CSNK1D: variants seen among roughly 807,000 people sequenced by gnomAD.
The protein encoded by CSNK1D is casein kinase I isoform delta.
A neutral mutation model predicts 46.6 loss-of-function variants in CSNK1D; 16 were observed. The ratio of observed to expected loss-of-function variants is 0.34; its 90% CI spans 0.23 to 0.52. The LOEUF is 0.52. CSNK1D is among the 20% of genes least tolerant of loss of function. CSNK1D has a pLI of 0.95. For synonymous variants in CSNK1D, 276 were observed against 228.2 expected (o/e 1.21, Z -1.89); for missense variants, 398 against 578.4 (o/e 0.69, Z 3.20).
intron 2 of CSNK1D, among the ~76,000 whole-genome samples, chr17:82,264,764 C>A (rs1401812631): frequency 6.6e-6 from 1 of 151,986 alleles, no homozygotes; most frequent in East Asian, 1.9e-4. Flanking sequence ...CACACGACAC[C>A]ACGGGGAGCA....
chr17:82,254,369 G>T (rs529505073), intron 3 of CSNK1D: 1 of 264,918 alleles, frequency 3.8e-6, no homozygotes, highest in African/African-American at 2.8e-5. Flanking sequence ...CCGGGGCCTC[G>T]AGAAGCCAGT....
chr17:82,262,381 G>A (rs1310594485), intron 2 of CSNK1D, among the ~76,000 whole-genome samples: 2 of 152,178 alleles, frequency 1.3e-5, no homozygotes, highest in African/African-American at 4.8e-5. Flanking sequence ...GAAGAGCTCA[G>A]TACCCACTGC....
In CSNK1D at chr17:82,251,571, C is replaced by T. The variant is rs371659643; in HGVS notation, c.737-44G>A. 1.7e-5 allele frequency: 28 copies of T among 1,609,212 alleles called. No individual in the cohort carries two copies. Among genetic ancestry groups the T allele is most frequent in the Middle Eastern group, 1.6e-4 (1 of 6,076 alleles). Reference sequence around the variant, plus strand: ...AAAGCTAACTCATGAAACCCAACTGCGACTCAAGGTGTCTCTGCCAACGTC... The same window carrying T: ...AAAGCTAACTCATGAAACCCAACTGTGACTCAAGGTGTCTCTGCCAACGTC... On this transcript the variant is annotated intron_variant, in intron 5 of 8. Transcript: ENST00000314028. The surrounding 1 kb of genome is among the most constrained non-coding windows in gnomAD (Gnocchi z 4.5).
intron 8 of CSNK1D, chr17:82,246,048 G>A: frequency 6.2e-7 from 1 of 1,607,568 alleles, no homozygotes; most frequent in Non-Finnish European, 8.5e-7. Context: ...TTCTGAGGTG[G>A]GGAAAAGACA....
Position 82,248,493 on chromosome 17 carries a change from G to T in CSNK1D, c.1197+382C>A. The T allele has an allele frequency of 9.1e-7, 1 of 1,097,660 alleles. No individual in the cohort carries two copies. The highest frequency in any genetic ancestry group is 1.1e-6 in the Non-Finnish European group (1 of 895,376). The allele number at this position is 1,097,660 out of a possible 1,614,324, so 68.0% of individuals were successfully genotyped here. On this transcript the variant is annotated intron_variant, in intron 8 of 8. Coordinates refer to ENST00000314028, the MANE Select transcript of CSNK1D (RefSeq NM_001893.6). The surrounding 1 kb of genome is among the most constrained non-coding windows in gnomAD (Gnocchi z 4.1). ...CCTGGCCAGTGGCAAGAATGAGGAA[G>T]AATGAGGAAGGCTCCCTCGGGCTGG...
intron 2 of CSNK1D, among the ~76,000 whole-genome samples, chr17:82,264,076 TGTA>T (rs758574137): frequency 2.0e-5 from 3 of 152,228 alleles, no homozygotes; most frequent in African/African-American, 4.8e-5. Context: ...GTCGGTTTCT[TGTA>T]GTAGCACAGA....
rs555483738 is a variant in CSNK1D at position 82,255,256 on chromosome 17, C to T, written c.336+173G>A. 2.5e-6 allele frequency: 2 copies of T among 790,974 alleles called. No homozygotes were observed. The highest frequency in any genetic ancestry group is 4.2e-6 in the Non-Finnish European group (2 of 471,286). The allele number at this position is 790,974 out of a possible 1,614,324, so 49.0% of individuals were successfully genotyped here. A position where few individuals can be genotyped will look rare whatever the true frequency, so the allele number is the denominator to read the frequency against. ...CTCGAGAAGCCAGTGAGCGGAGCCA[C>T]CGGAGCCTCGAGAAGCCAGTGAGCT... On this transcript the variant is annotated intron_variant, in intron 3 of 8. Transcript: ENST00000314028. The surrounding 1 kb of genome is among the most constrained non-coding windows in gnomAD (Gnocchi z 5.9).
Position 82,250,920 on chromosome 17 carries a change from C to A in CSNK1D, c.885+459G>T. On this transcript the variant is annotated intron_variant, in intron 6 of 8. Transcript: ENST00000314028. This position sits in a 1 kb window ranked among gnomAD's most constrained non-coding sequence, Gnocchi z 4.6. Reference sequence around the variant, plus strand: ...TAGAGGCTCCACTGCATACTCACACCGCATCAAGAAAGCCACAGGGAAAAT... The same window carrying A: ...TAGAGGCTCCACTGCATACTCACACAGCATCAAGAAAGCCACAGGGAAAAT... 7.9e-6 allele frequency: 2 copies of A among 253,832 alleles called. No homozygotes were observed. Among genetic ancestry groups the A allele is most frequent in the South Asian group, 8.6e-5 (2 of 23,176 alleles). The allele number at this position is 253,832 out of a possible 1,614,324, so 15.7% of individuals were successfully genotyped here. A position where few individuals can be genotyped will look rare whatever the true frequency, so the allele number is the denominator to read the frequency against.
At chr17:82,240,875 G>C (rs1373940245), downstream of CSNK1D, among the ~76,000 whole-genome samples, 2 of 152,150 alleles carry the variant, frequency 1.3e-5, no homozygotes, top group East Asian at 3.9e-4. Context: ...CTCAGCTGGT[G>C]CCTTTAAAGG....
chr17:82,254,224 G>A (rs1390598816), intron 3 of CSNK1D: 4 of 277,472 alleles, frequency 1.4e-5, no homozygotes, highest in East Asian at 3.6e-4. Context: ...TGAGCCGCCG[G>A]AGCCTCGAGA....
intron 3 of CSNK1D, 53 bp from the exon 4 acceptor site, chr17:82,253,297 G>C (rs1320757029): frequency 5.0e-6 from 7 of 1,390,668 alleles, no homozygotes; most frequent in African/African-American, 2.8e-5. Flanking sequence ...CTCAGGGAGG[G>C]ACCGCTCAAC....
chr17:82,263,926 T>C (rs2051402814), intron 2 of CSNK1D, among the ~76,000 whole-genome samples: 1 of 152,080 alleles, frequency 6.6e-6, no homozygotes, highest in Non-Finnish European at 1.5e-5. Context: ...CCTGGGTTGG[T>C]GATGGGATTT....
In CSNK1D at chr17:82,273,199, G is replaced by A; in HGVS notation, c.76+107C>T. ...CCACGATCCGGCGGTGCCGGGACTT[G>A]CGCGGAGACCCCGCGGGGGCCACCA... On this transcript the variant is annotated intron_variant, in intron 1 of 8. Transcript: ENST00000314028. The surrounding 1 kb of genome is among the most constrained non-coding windows in gnomAD (Gnocchi z 5.1). The A allele has an allele frequency of 8.5e-7, 1 of 1,171,280 alleles. No individual in the cohort carries two copies. The highest frequency in any genetic ancestry group is 1.2e-6 in the Non-Finnish European group (1 of 827,872). 72.6% of individuals were successfully genotyped at this position (1,171,280 alleles called of 1,614,324 possible).
At chr17:82,265,925 G>C (rs1364026946) in intron 1 of CSNK1D, 129 bp from the exon 2 acceptor site, 1 of 799,384 alleles carries the variant, frequency 1.3e-6, no homozygotes, top group Non-Finnish European at 2.2e-6. Context: ...CTCCTTCCTA[G>C]CATAGTAAGG....
rs369563163 is a variant in CSNK1D at position 82,249,017 on chromosome 17, G to A, written c.1058-3C>T. On this transcript the variant is annotated splice_polypyrimidine_tract_variant and splice_region_variant and intron_variant, in intron 7 of 8. Coordinates refer to ENST00000314028, the MANE Select transcript of CSNK1D (RefSeq NM_001893.6). The surrounding 1 kb of genome is among the most constrained non-coding windows in gnomAD (Gnocchi z 6.7). ...GACGGGCCGGGGGGAGGTGTTAGCTGAGGACAGGGAGAGAAACGGAGTGGG... is the reference window on the plus strand; with the variant it reads ...GACGGGCCGGGGGGAGGTGTTAGCTAAGGACAGGGAGAGAAACGGAGTGGG... 7.1e-6 allele frequency: 11 copies of A among 1,555,556 alleles called. No homozygotes were observed. In the Admixed American group the frequency reaches 7.8e-5, roughly 11 times the overall value.
chr17:82,245,954 C>T (rs928201340), intron 8 of CSNK1D: 11 of 1,587,138 alleles, frequency 6.9e-6, no homozygotes, highest in East Asian at 4.7e-5. Context: ...TGCTGCCTGG[C>T]GCCCGCCACG....
intron 1 of CSNK1D, among the ~76,000 whole-genome samples, chr17:82,269,414 T>G (rs1330780161): frequency 6.6e-6 from 1 of 152,070 alleles, no homozygotes; most frequent in Non-Finnish European, 1.5e-5. Context: ...GAACAGGTGG[T>G]CGCTCTCCTC....
intron 8 of CSNK1D, chr17:82,247,079 C>T: frequency 1.0e-6 from 1 of 985,480 alleles, no homozygotes; most frequent in Non-Finnish European, 1.2e-6. Flanking sequence ...CTCAACATGC[C>T]TCTCAGGAAG....
chr17:82,257,632 G>A (rs886480601), intron 2 of CSNK1D, among the ~76,000 whole-genome samples: 4 of 152,226 alleles, frequency 2.6e-5, no homozygotes, highest in Non-Finnish European at 4.4e-5. Flanking sequence ...GCCTGAGGGC[G>A]GGAAGGAGCC....
Sources: allele counts gnomAD v4.1 joint callset (sites outside exome capture counted in the v4.1 genomes callset), GRCh38; gene constraint gnomAD v4.1.1; non-coding constraint Gnocchi (gnomAD v3.1); transcripts MANE v1.5; gene names NCBI Gene and HGNC (gene_info 2026-07-23, HGNC 2026-07-21).